Variants in ICA1L observed in about 807,000 individuals in gnomAD.
ICA1L encodes the protein islet cell autoantigen 1 like.
ICA1L carries 50 observed loss-of-function variants against 61.3 expected under a neutral mutation model. The ratio of observed to expected loss-of-function variants is 0.82; its 90% CI spans 0.65 to 1.03. The LOEUF is 1.03. Among genes scored for constraint, ICA1L ranks in the 50% least tolerant of loss-of-function variants. The pLI is 0.00. For missense variants in ICA1L, 508 were observed against 556.7 expected (o/e 0.91, Z 0.88); for synonymous variants, 161 against 191.3 (o/e 0.84, Z 1.31).
chr2:202,825,742 C>G lies in ICA1L; in HGVS notation c.188G>C (p.Cys63Ser). 1 of 1,586,784 alleles carries G rather than the reference C, an allele frequency of 6.3e-7. No individual in the cohort carries two copies. Among genetic ancestry groups the G allele is most frequent in the Non-Finnish European group, 8.6e-7 (1 of 1,158,986 alleles). ...CTCGATTATCTTCAGAAGTTCAGTGCATGTCTCTTGAACAGAGTGAAAAAC... is the reference window on the plus strand; with the variant it reads ...CTCGATTATCTTCAGAAGTTCAGTGGATGTCTCTTGAACAGAGTGAAAAAC... The part of the protein sequence containing the change: ...LEVFHSVQET[C>S]TELLKIIEKY... Residue 63 changes from cysteine to serine, a missense_variant, in exon 3 of 13, where the codon TGC (cysteine) becomes TCC (serine). Coordinates refer to ENST00000358299, the MANE Select transcript of ICA1L (RefSeq NM_001288622.3).
At chr2:202,825,804 C>G (rs1257647766) in intron 2 of ICA1L, 37 bp from the exon 3 acceptor site, 4 of 1,325,756 alleles carry the variant, frequency 3.0e-6, no homozygotes, top group Non-Finnish European at 4.2e-6. Flanking sequence ...ATTTAAAGAA[C>G]TATAAACAAA....
chr2:202,806,199 C>T (rs1693221847), intron 9 of ICA1L, among the ~76,000 whole-genome samples: 1 of 152,058 alleles, frequency 6.6e-6, no homozygotes, highest in East Asian at 1.9e-4. Flanking sequence ...CTCCTTTCCG[C>T]TTGAGGAGGG....
chr2:202,830,917 C>T (rs1694000305), intron 1 of ICA1L, among the ~76,000 whole-genome samples: 3 of 151,912 alleles, frequency 2.0e-5, no homozygotes, highest in Admixed American at 1.3e-4. Flanking sequence ...AATCTCGAAT[C>T]ATAAAAAACA....
intron 1 of ICA1L, among the ~76,000 whole-genome samples, chr2:202,850,926 C>A (rs1574378748): frequency 6.6e-6 from 1 of 152,070 alleles, no homozygotes; most frequent in Non-Finnish European, 1.5e-5. Context: ...GTCCATCACA[C>A]TAACAGTGGA....
intron 3 of ICA1L, among the ~76,000 whole-genome samples, chr2:202,822,897 T>C (rs1693737094): frequency 1.3e-5 from 2 of 152,164 alleles, no homozygotes. Context: ...AATAAAACCA[T>C]GAACAACTGA....
intron 9 of ICA1L, 75 bp downstream of exon 9, chr2:202,811,659 CAAAAAAAAAAAA>C (rs35916411): frequency 2.4e-6 from 1 of 424,678 alleles, no homozygotes. Flanking sequence ...AAGACTGTCT[CAAAAAAAAAAAA>C]AAAAAAAAGG....
At chr2:202,869,723 C>T (rs1169210161) in intron 1 of ICA1L, 1 of 151,656 alleles carries the variant, frequency 6.6e-6, no homozygotes, top group East Asian at 1.9e-4. Flanking sequence ...GAATTTTAGT[C>T]TTTTTTTATC....
chr2:202,865,243 CG>C (rs1237187158), intron 1 of ICA1L, among the ~76,000 whole-genome samples: 1 of 151,312 alleles, frequency 6.6e-6, no homozygotes, highest in African/African-American at 2.4e-5. Flanking sequence ...CCGAGGCGGG[CG>C]GGTCACTTGA....
At chr2:202,800,495 TGA>T (rs1205951137) in intron 9 of ICA1L, among the ~76,000 whole-genome samples, 1 of 152,218 alleles carries the variant, frequency 6.6e-6, no homozygotes, top group Admixed American at 6.5e-5. Flanking sequence ...AGCCAGTTTT[TGA>T]GAGTCAGTTT....
intron 9 of ICA1L, among the ~76,000 whole-genome samples, chr2:202,798,194 A>G (rs1028968871): frequency 1.3e-5 from 2 of 152,206 alleles, no homozygotes; most frequent in East Asian, 1.9e-4. Context: ...AACACTTACA[A>G]TGATTCCATA....
In ICA1L at chr2:202,792,840, T is replaced by C. The variant is rs527236393; in HGVS notation, c.986-3753A>G. ...AAAAAATAATAATAAACTACTGATATATACAACAACATGGATGACTCCAAA... is the reference window on the plus strand; with the variant it reads ...AAAAAATAATAATAAACTACTGATACATACAACAACATGGATGACTCCAAA... On this transcript the variant is annotated intron_variant, in intron 10 of 12. Transcript: ENST00000358299. 4.6e-5 allele frequency among the ~76,000 whole-genome samples: 7 copies of C among 152,098 alleles called. No individual in the cohort carries two copies. The East Asian group carries it at 1.2e-3, about 25-fold the overall frequency.
intron 10 of ICA1L, among the ~76,000 whole-genome samples, chr2:202,795,180 A>G (rs1038635364): frequency 4.6e-5 from 7 of 150,710 alleles, no homozygotes; most frequent in African/African-American, 1.5e-4. Flanking sequence ...TAGTAGAGAC[A>G]GGGTTTCACC....
Position 202,828,968 on chromosome 2 carries a change from T to G in ICA1L, c.42A>C (p.Ser14=), listed in dbSNP as rs1480607959. 6.2e-7 allele frequency: 1 copy of G among 1,606,602 alleles called. No homozygotes were observed. The highest frequency in any genetic ancestry group is 8.5e-7 in the Non-Finnish European group (1 of 1,176,564). ...ATTTCTTTTGCATTCTTCTGACTAC[T>G]GACTGATTATCTTCTGGTCTGGGTT... ...FGQPRPEDNQ[S]VVRRMQKKYW... Residue 14 remains serine, a synonymous_variant, in exon 2 of 13, where the codon TCA becomes TCC. Coordinates refer to ENST00000358299, the MANE Select transcript of ICA1L (RefSeq NM_001288622.3).
intron 7 of ICA1L, among the ~76,000 whole-genome samples, 158 bp from the exon 8 acceptor site, chr2:202,814,942 C>T (rs1022471122): frequency 2.6e-5 from 4 of 152,180 alleles, no homozygotes; most frequent in Admixed American, 6.5e-5. Flanking sequence ...GTAATCTGAA[C>T]TGAGCTACTG....
At chr2:202,817,352 A>C in intron 6 of ICA1L, 66 bp downstream of exon 6, 1 of 1,427,800 alleles carries the variant, frequency 7.0e-7, no homozygotes, top group Non-Finnish European at 9.4e-7. Flanking sequence ...CCTTTAGACA[A>C]CTTTTAAAAA....
At chr2:202,863,652 G>A (rs528050386) in intron 1 of ICA1L, among the ~76,000 whole-genome samples, 18 of 151,850 alleles carry the variant, frequency 1.2e-4, no homozygotes, top group East Asian at 3.9e-4. Flanking sequence ...GTGAAACCCC[G>A]TCTCTACTAA....
intron 12 of ICA1L, among the ~76,000 whole-genome samples, chr2:202,784,640 C>G (rs930492766): frequency 2.0e-5 from 3 of 152,008 alleles, no homozygotes; most frequent in Non-Finnish European, 4.4e-5. Context: ...ATTATTCAGC[C>G]TTATAAAGGA....
chr2:202,868,355 A>G (rs552259501), intron 1 of ICA1L, among the ~76,000 whole-genome samples: 1 of 152,268 alleles, frequency 6.6e-6, no homozygotes, highest in East Asian at 1.9e-4. Context: ...AGTAACTGGA[A>G]CTCATATATT....
intron 9 of ICA1L, among the ~76,000 whole-genome samples, chr2:202,798,227 T>C (rs1202250559): frequency 1.3e-5 from 2 of 152,092 alleles, no homozygotes; most frequent in Non-Finnish European, 2.9e-5. Flanking sequence ...TGATTAAGGA[T>C]ATGCTTTACT....
Sources: gnomAD v4.1 joint callset for allele counts (sites outside exome capture counted in the v4.1 genomes callset) on GRCh38, gnomAD v4.1.1 for gene constraint, MANE v1.5 for transcripts, NCBI Gene and HGNC (gene_info 2026-07-23, HGNC 2026-07-21) for gene names.